The following CSMD3 variants were observed in gnomAD, a reference collection of about 807,000 sequenced individuals.
CSMD3 encodes CUB and sushi domain-containing protein 3.
Under a neutral mutation model 435.2 loss-of-function variants are expected in CSMD3, and 177 were observed. That is an observed-to-expected ratio of 0.41 (90% confidence interval 0.36 to 0.46). The LOEUF is 0.46. CSMD3 is among the 20% of genes least tolerant of loss of function. The pLI, the probability that CSMD3 is intolerant of heterozygous loss-of-function variation, is 0.34. For missense variants in CSMD3, 4,265 were observed against 4,504.6 expected, an observed-to-expected ratio of 0.95 and a Z score of 1.52; for synonymous variants, 1,656 against 1,520.5, an observed-to-expected ratio of 1.09 and a Z score of -2.07.
At chr8:113,352,333 G>A (rs2094195577) in intron 1 of CSMD3, among the ~76,000 whole-genome samples, 1 of 151,930 alleles carries the variant, frequency 6.6e-6, no homozygotes, top group South Asian at 2.1e-4. Flanking sequence ...GTAGAGACTG[G>A]TATTATTCTG....
At chr8:112,506,368 A>C (rs1822519099) in intron 29 of CSMD3, among the ~76,000 whole-genome samples, 1 of 152,112 alleles carries the variant, frequency 6.6e-6, no homozygotes, top group African/African-American at 2.4e-5. Context: ...TTAGATAATA[A>C]AGATTGGGGA....
At chr8:112,353,379 G>C (rs1281526854) in intron 38 of CSMD3, among the ~76,000 whole-genome samples, 1 of 152,034 alleles carries the variant, frequency 6.6e-6, no homozygotes, top group Non-Finnish European at 1.5e-5. Flanking sequence ...GACAGAGCGA[G>C]ACTTCATCTC....
At chr8:112,977,317 G>GTA (rs2084890439) in intron 6 of CSMD3, among the ~76,000 whole-genome samples, 1 of 151,908 alleles carries the variant, frequency 6.6e-6, no homozygotes, top group South Asian at 2.1e-4. Context: ...CCCCTGAGTG[G>GTA]TATATGTTTT....
intron 30 of CSMD3, among the ~76,000 whole-genome samples, chr8:112,498,709 C>T (rs1208781309): frequency 6.6e-6 from 1 of 152,026 alleles, no homozygotes; most frequent in Non-Finnish European, 1.5e-5. Flanking sequence ...TAAAAGGTTT[C>T]TTTCTTTCTT....
intron 32 of CSMD3, among the ~76,000 whole-genome samples, chr8:112,428,182 AGT>A (rs1179005295): frequency 6.6e-6 from 1 of 152,162 alleles, no homozygotes; most frequent in African/African-American, 2.4e-5. Context: ...AAATTCTATT[AGT>A]GTTTTATTAA....
chr8:113,040,779 A>G (rs760216896), intron 5 of CSMD3, among the ~76,000 whole-genome samples: 2 of 152,034 alleles, frequency 1.3e-5, no homozygotes, highest in Non-Finnish European at 2.9e-5. Context: ...AGTCACCAGT[A>G]TATACATATG....
At chr8:113,076,688 G>T (rs1197469395) in intron 5 of CSMD3, among the ~76,000 whole-genome samples, 1 of 151,886 alleles carries the variant, frequency 6.6e-6, no homozygotes, top group East Asian at 1.9e-4. Context: ...GCAAATTTTA[G>T]CTCATTAAAG....
At chr8:112,411,284 T>C (rs924840649) in intron 32 of CSMD3, among the ~76,000 whole-genome samples, 1 of 151,872 alleles carries the variant, frequency 6.6e-6, no homozygotes, top group African/African-American at 2.4e-5. Context: ...TAGAAAACTG[T>C]AGGGCATGCT....
At chr8:112,286,634 A>G (rs1220517269) in intron 58 of CSMD3, among the ~76,000 whole-genome samples, 2 of 152,118 alleles carry the variant, frequency 1.3e-5, no homozygotes, top group East Asian at 3.9e-4. Flanking sequence ...CCTACTGTGC[A>G]TAATTTATAA....
rs1315164940 is a variant in CSMD3, at chr8:112,239,435, T to C, written c.10469-2087A>G. 7.9e-5 allele frequency among the ~76,000 whole-genome samples: 12 copies of C among 152,212 alleles called. No individual in the cohort carries two copies. In the South Asian group the frequency reaches 1.0e-3, roughly 13 times the overall value. On this transcript the variant is annotated intron_variant, in intron 66 of 70. Transcript: ENST00000297405. ...AATTTTTCTCCCTTTATAATATCTT[T>C]ATCCGAGTTATTAGAGCTATGTTGA...
At chr8:112,276,135 C>A (rs569135664) in intron 59 of CSMD3, among the ~76,000 whole-genome samples, 1 of 152,216 alleles carries the variant, frequency 6.6e-6, no homozygotes, top group East Asian at 1.9e-4. Context: ...GGCTACAGGC[C>A]CCACACAAGT....
chr8:112,392,736 A>G (rs1196559707), intron 35 of CSMD3, among the ~76,000 whole-genome samples: 2 of 151,848 alleles, frequency 1.3e-5, no homozygotes, highest in South Asian at 2.1e-4. Flanking sequence ...TCCATGCACT[A>G]TATTTTTCAA....
At chr8:113,231,442 T>C (rs1199266974) in intron 3 of CSMD3, among the ~76,000 whole-genome samples, 2 of 151,430 alleles carry the variant, frequency 1.3e-5, no homozygotes, top group Non-Finnish European at 3.0e-5. Flanking sequence ...GGCTCACTAA[T>C]ACTGTTGCAA....
intron 3 of CSMD3, among the ~76,000 whole-genome samples, chr8:113,185,720 T>G (rs994342804): frequency 1.3e-5 from 2 of 151,870 alleles, no homozygotes; most frequent in African/African-American, 2.4e-5. Context: ...TATATTTTGG[T>G]GTGTGTGTGT....
chr8:113,223,976 T>A (rs1488539957), intron 3 of CSMD3, among the ~76,000 whole-genome samples: 1 of 150,978 alleles, frequency 6.6e-6, no homozygotes, highest in African/African-American at 2.4e-5. Flanking sequence ...AAAATGATCA[T>A]CCACATTTTT....
At chr8:112,543,047 A>C (rs984866520) in intron 27 of CSMD3, among the ~76,000 whole-genome samples, 1 of 152,128 alleles carries the variant, frequency 6.6e-6, no homozygotes, top group African/African-American at 2.4e-5. Flanking sequence ...GGATATCCAG[A>C]AGCAAAAAAT....
intron 61 of CSMD3, among the ~76,000 whole-genome samples, chr8:112,260,498 A>C (rs1447586587): frequency 6.6e-6 from 1 of 152,206 alleles, no homozygotes; most frequent in Non-Finnish European, 1.5e-5. Flanking sequence ...TTGAAATGTA[A>C]ATACATATTT....
intron 1 of CSMD3, among the ~76,000 whole-genome samples, chr8:113,434,804 G>C (rs962569130): frequency 6.6e-6 from 1 of 152,120 alleles, no homozygotes; most frequent in Non-Finnish European, 1.5e-5. Context: ...GCGGGCAGCC[G>C]GGGCTCTAAT....
chr8:112,661,221 A>G (rs1003455343), intron 17 of CSMD3, among the ~76,000 whole-genome samples: 5 of 152,170 alleles, frequency 3.3e-5, no homozygotes, highest in African/African-American at 1.2e-4. Flanking sequence ...TGCCTATTTA[A>G]CTAGTGTTAC....
Sources: allele counts gnomAD v4.1 joint callset (sites outside exome capture counted in the v4.1 genomes callset), GRCh38; gene constraint gnomAD v4.1.1; transcripts MANE v1.5; gene names NCBI Gene and HGNC (gene_info 2026-07-23, HGNC 2026-07-21).